The following FBXO22 variants were observed in gnomAD, a reference collection of about 807,000 sequenced individuals.
FBXO22 encodes F-box only protein 22.
A neutral mutation model predicts 37.2 loss-of-function variants in FBXO22; 13 were observed. The observed-to-expected ratio is 0.35, with a 90% CI of 0.23 to 0.56. The LOEUF is 0.56. Ranked by LOEUF, FBXO22 falls within the 20% of genes least tolerant of loss-of-function variation. FBXO22 has a pLI of 0.87. For missense variants in FBXO22, 446 were observed against 509.9 expected, an observed-to-expected ratio of 0.87 and a Z score of 1.21; for synonymous variants, 189 against 189.1, an observed-to-expected ratio of 1.00 and a Z score of 0.00.
rs1264198669 is a variant in FBXO22, at chr15:75,935,630, G to A, written c.*2528G>A. The A allele has an allele frequency of 6.7e-6, 1 of 150,006 alleles. No individual in the cohort carries two copies. Among genetic ancestry groups the A allele is most frequent in the East Asian group, 1.9e-4 (1 of 5,178 alleles). 9.3% of individuals were successfully genotyped at this position (150,006 alleles called of 1,614,324 possible). On this transcript the variant is annotated 3_prime_UTR_variant, in exon 7 of 7. Coordinates refer to ENST00000308275, the MANE Select transcript of FBXO22 (RefSeq NM_147188.3). ...CTGATAAAAGTGGGCAATCTAGTAG[G>A]CCAGTTCACATTACAGTTATCTCAG...
At chr15:75,910,028 G>C (rs1180034207) in intron 2 of FBXO22, among the ~76,000 whole-genome samples, 1 of 152,090 alleles carries the variant, frequency 6.6e-6, no homozygotes, top group African/African-American at 2.4e-5. Flanking sequence ...TTGGTTTTCT[G>C]TTCCTGTGTT....
In FBXO22 at chr15:75,935,702, C is replaced by G. The variant is rs2141730651; in HGVS notation, c.*2600C>G. The G allele has an allele frequency of 6.6e-6, 1 of 151,638 alleles. No homozygotes were observed. Among genetic ancestry groups the G allele is most frequent in the Admixed American group, 6.6e-5 (1 of 15,188 alleles). 9.4% of individuals were successfully genotyped at this position (151,638 alleles called of 1,614,324 possible). A position where few individuals can be genotyped will look rare whatever the true frequency, so the allele number is the denominator to read the frequency against. ...ACCCTCAACCTACGAGGCCAGATAG[C>G]AAAAGACGTGCAACTGGTTTATATT... On this transcript the variant is annotated 3_prime_UTR_variant, in exon 7 of 7. Coordinates refer to ENST00000308275, the MANE Select transcript of FBXO22 (RefSeq NM_147188.3).
At chr15:75,928,626 A>G (rs1052436382) in intron 5 of FBXO22, among the ~76,000 whole-genome samples, 2 of 152,178 alleles carry the variant, frequency 1.3e-5, no homozygotes, top group Non-Finnish European at 2.9e-5. Context: ...AAAAATAACT[A>G]ATGGAGAATG....
Position 75,933,394 on chromosome 15 carries a change from T to C in FBXO22, c.*292T>C, listed in dbSNP as rs115213056. 1,398 of 322,638 alleles carry C rather than the reference T, an allele frequency of 4.3e-3. 23 individuals are homozygous for C. Among genetic ancestry groups the C allele is most frequent in the African/African-American group, 0.027 (1,255 of 45,664 alleles). The allele number at this position is 322,638 out of a possible 1,614,324, so 20.0% of individuals were successfully genotyped here. On this transcript the variant is annotated 3_prime_UTR_variant, in exon 7 of 7. Transcript: ENST00000308275. ...CTGTGTAACATGACCTTAAATAGTC[T>C]TCCTGCATAGGAAGAGCAAAAGGGT... is the stretch of plus-strand genomic sequence containing the variant.
At chr15:75,920,996 G>A (rs1252477907) in intron 5 of FBXO22, among the ~76,000 whole-genome samples, 2 of 152,160 alleles carry the variant, frequency 1.3e-5, no homozygotes, top group Non-Finnish European at 2.9e-5. Context: ...TGTTGTTGTT[G>A]TGTGAATGTC....
intron 5 of FBXO22, among the ~76,000 whole-genome samples, chr15:75,919,077 T>A (rs1019800335): frequency 6.6e-6 from 1 of 152,146 alleles, no homozygotes; most frequent in Non-Finnish European, 1.5e-5. Flanking sequence ...GTGATTGTCA[T>A]GCCTCAGACT....
Position 75,939,515 on chromosome 15 carries a change from C to G in FBXO22, c.*6413C>G, listed in dbSNP as rs1276886236. 1.3e-5 allele frequency: 2 copies of G among 152,140 alleles called. No homozygotes were observed. Among genetic ancestry groups the G allele is most frequent in the Non-Finnish European group, 2.9e-5 (2 of 67,988 alleles). 9.4% of individuals were successfully genotyped at this position (152,140 alleles called of 1,614,324 possible). ...AAGAAATAACCCCAATCCCTTCTAA[C>G]TTTTCCCAAAAATTGAAGAGGAAGG... On this transcript the variant is annotated 3_prime_UTR_variant, in exon 7 of 7. Coordinates refer to ENST00000308275, the MANE Select transcript of FBXO22 (RefSeq NM_147188.3).
rs1265249571 is a variant in FBXO22, at chr15:75,942,034, C to CT, written c.*8935dup. ...TATTTAGTCACAAGACATAGAGGAA[C>CT]TTTAAGTGTATATTGCTAAGTGAAA... On this transcript the variant is annotated 3_prime_UTR_variant, in exon 7 of 7. Coordinates refer to ENST00000308275, the MANE Select transcript of FBXO22 (RefSeq NM_147188.3). 1 of 134,636 alleles carries CT rather than the reference C, an allele frequency of 7.4e-6. No homozygotes were observed. Among genetic ancestry groups the CT allele is most frequent in the Non-Finnish European group, 1.5e-5 (1 of 65,260 alleles). The allele number at this position is 134,636 out of a possible 1,614,324, so 8.3% of individuals were successfully genotyped here.
intron 3 of FBXO22, 99 bp downstream of exon 3, chr15:75,913,389 T>C: frequency 3.8e-6 from 3 of 795,198 alleles, no homozygotes; most frequent in Non-Finnish European, 6.2e-6. Context: ...ACTGACTTTC[T>C]GAGGCTCTGG....
chr15:75,940,788 CTAA>C lies in FBXO22; in HGVS notation c.*7687_*7689del, dbSNP rs2030877496. 1 of 1,596 alleles carries C rather than the reference CTAA, an allele frequency of 6.3e-4. No homozygotes were observed. Among genetic ancestry groups the C allele is most frequent in the Non-Finnish European group, 4.2e-3 (1 of 236 alleles). 0.1% of individuals were successfully genotyped at this position (1,596 alleles called of 1,614,324 possible). ...GAAAGCTGGATAACCACATGGCTAA[CTAA>C]CAAAGTTGCAACCTCACTCATTTGC... is the stretch of plus-strand genomic sequence containing the variant. On this transcript the variant is annotated 3_prime_UTR_variant, in exon 7 of 7. Coordinates refer to ENST00000308275, the MANE Select transcript of FBXO22 (RefSeq NM_147188.3).
In FBXO22 at chr15:75,934,869, G is replaced by A. The variant is rs2030211046; in HGVS notation, c.*1767G>A. 1 of 152,164 alleles carries A rather than the reference G, an allele frequency of 6.6e-6. No homozygotes were observed. The highest frequency in any genetic ancestry group is 6.5e-5 in the Admixed American group (1 of 15,278). The allele number at this position is 152,164 out of a possible 1,614,324, so 9.4% of individuals were successfully genotyped here. ...TTAAAACTGAAAATATGAACAAAAT[G>A]AGCCTTAGAATTGAATGGATTATTT... On this transcript the variant is annotated 3_prime_UTR_variant, in exon 7 of 7. Coordinates refer to ENST00000308275, the MANE Select transcript of FBXO22 (RefSeq NM_147188.3).
At chr15:75,913,907 G>A (rs1900125222) in intron 3 of FBXO22, among the ~76,000 whole-genome samples, 1 of 152,198 alleles carries the variant, frequency 6.6e-6, no homozygotes, top group Non-Finnish European at 1.5e-5. Flanking sequence ...CAGACTAGTG[G>A]TGCAAAAGAT....
In FBXO22 at chr15:75,903,941, T is replaced by A; in HGVS notation, c.-23T>A. 6.6e-7 allele frequency: 1 copy of A among 1,525,764 alleles called. No individual in the cohort carries two copies. Among genetic ancestry groups the A allele is most frequent in the Non-Finnish European group, 8.8e-7 (1 of 1,131,886 alleles). The allele number at this position is 1,525,764 out of a possible 1,614,324, so 94.5% of individuals were successfully genotyped here. Reference sequence around the variant, plus strand: ...GGGTTCCTCCGAGCCGCCGTAGGACTGGTTCCGGCGGGCTGGTGAGGAATG... The same window carrying A: ...GGGTTCCTCCGAGCCGCCGTAGGACAGGTTCCGGCGGGCTGGTGAGGAATG... On this transcript the variant is annotated 5_prime_UTR_variant, in exon 1 of 7. Transcript: ENST00000308275.
chr15:75,915,532 G>A (rs1281743470), intron 4 of FBXO22, among the ~76,000 whole-genome samples: 4 of 151,910 alleles, frequency 2.6e-5, no homozygotes, highest in African/African-American at 7.3e-5. Flanking sequence ...TTAGGAGGCC[G>A]AGGCAGGCGG....
chr15:75,930,862 GC>G, intron 6 of FBXO22: 1 of 983,356 alleles, frequency 1.0e-6, no homozygotes, highest in Non-Finnish European at 1.2e-6. Flanking sequence ...ACAGACTGTT[GC>G]AGATCAGTAT....
chr15:75,922,335 A>G (rs1412085631), intron 5 of FBXO22, among the ~76,000 whole-genome samples: 2 of 152,212 alleles, frequency 1.3e-5, no homozygotes, highest in Non-Finnish European at 2.9e-5. Flanking sequence ...CTGCATAATC[A>G]TAACCCAAGT....
At chr15:75,926,685 G>C (rs190501265) in intron 5 of FBXO22, among the ~76,000 whole-genome samples, 9 of 152,330 alleles carry the variant, frequency 5.9e-5, no homozygotes, top group Non-Finnish European at 1.0e-4. Flanking sequence ...ACGAGTGGCT[G>C]TGTACTCTGA....
chr15:75,904,954 G>T (rs182559244), intron 2 of FBXO22, among the ~76,000 whole-genome samples: 419 of 151,884 alleles, frequency 2.8e-3, no homozygotes, highest in African/African-American at 8.8e-3. Flanking sequence ...CTCCCGAGTA[G>T]CTGGGACTAC....
intron 6 of FBXO22, 148 bp from the exon 7 acceptor site, chr15:75,932,537 T>G (rs1216563897): frequency 1.5e-6 from 1 of 670,696 alleles, no homozygotes; most frequent in African/African-American, 1.8e-5. Context: ...TTTTTGACCC[T>G]ATTTTACTCA....
Sources: allele counts gnomAD v4.1 joint callset (sites outside exome capture counted in the v4.1 genomes callset), GRCh38; gene constraint gnomAD v4.1.1; transcripts MANE v1.5; gene names NCBI Gene and HGNC (gene_info 2026-07-23, HGNC 2026-07-21).